Variants in MAPKAP1 observed in about 807,000 individuals in gnomAD.
MAPKAP1 encodes the protein MAPK associated protein 1, also known as target of rapamycin complex 2 subunit MAPKAP1.
In MAPKAP1, 20 loss-of-function variants were observed where a neutral mutation model predicts 65.7. That is an observed-to-expected ratio of 0.30 (90% CI 0.21 to 0.44). The LOEUF is 0.44. Ranked by LOEUF, MAPKAP1 falls within the 20% of genes least tolerant of loss-of-function variation. The pLI, the probability that MAPKAP1 is intolerant of heterozygous loss-of-function variation, is 1.00. For synonymous variants in MAPKAP1, 222 were observed against 244.3 expected, an observed-to-expected ratio of 0.91 and a Z score of 0.85; for missense variants, 423 against 648.0, an observed-to-expected ratio of 0.65 and a Z score of 3.77.
intron 1 of MAPKAP1, among the ~76,000 whole-genome samples, chr9:125,693,562 T>C (rs1466732677): frequency 1.3e-5 from 2 of 148,292 alleles, no homozygotes; most frequent in African/African-American, 5.0e-5. Flanking sequence ...TACACACACA[T>C]ATATACATAC....
chr9:125,521,708 C>T (rs1437954135), intron 7 of MAPKAP1: 2 of 1,609,680 alleles, frequency 1.2e-6, no homozygotes, highest in African/African-American at 2.7e-5. Flanking sequence ...AGTTCAAACC[C>T]ATTTTCCTTA....
chr9:125,659,579 CT>C (rs1381279199), intron 3 of MAPKAP1, among the ~76,000 whole-genome samples: 1 of 152,036 alleles, frequency 6.6e-6, no homozygotes, highest in Non-Finnish European at 1.5e-5. Context: ...TAGGCCAGCC[CT>C]TCCCTTGTGC....
chr9:125,506,482 A>C, intron 7 of MAPKAP1, 65 bp from the exon 8 acceptor site: 1 of 1,281,362 alleles, frequency 7.8e-7, no homozygotes, highest in South Asian at 1.2e-5. Context: ...CATTTAAAAA[A>C]CACCACATAC....
chr9:125,484,549 C>A lies in MAPKAP1; in HGVS notation c.1101G>T (p.Ser367=). 2 of 1,610,886 alleles carry A rather than the reference C, an allele frequency of 1.2e-6. No homozygotes were observed. Among genetic ancestry groups the A allele is most frequent in the Non-Finnish European group, 8.5e-7 (1 of 1,178,530 alleles). Reference sequence around the variant, plus strand: ...CCTGTACTGTGGCTATGTCAATTTGCGAATCCTCCTCAAAAACCCCGTCTG... The same window carrying A: ...CCTGTACTGTGGCTATGTCAATTTGAGAATCCTCCTCAAAAACCCCGTCTG... ...SRADGVFEED[S]QIDIATVQDM... Residue 367 remains serine (S), a synonymous_variant, in exon 9 of 12, where the codon TCG becomes TCT. Transcript: ENST00000265960.
intron 10 of MAPKAP1, among the ~76,000 whole-genome samples, chr9:125,460,585 G>T (rs779631083): frequency 6.6e-6 from 1 of 152,124 alleles, no homozygotes; most frequent in Non-Finnish European, 1.5e-5. Context: ...AACTATCTGG[G>T]GGTCAGAGGA....
chr9:125,671,426 G>C lies in MAPKAP1; in HGVS notation c.259+890C>G, dbSNP rs1477219315. 2.0e-5 allele frequency among the ~76,000 whole-genome samples: 3 copies of C among 152,222 alleles called. No homozygotes were observed. The East Asian group carries it at 5.8e-4, about 29-fold the overall frequency. The stretch of plus-strand genomic sequence containing the variant: ...TTGGACCATGAAAATAAATATGTAA[G>C]TATTTTCAGTGTTCTACTATATCTC... On this transcript the variant is annotated intron_variant, in intron 2 of 11. Transcript: ENST00000265960.
intron 8 of MAPKAP1, among the ~76,000 whole-genome samples, chr9:125,491,246 C>A (rs2133052863): frequency 6.6e-6 from 1 of 151,758 alleles, no homozygotes; most frequent in East Asian, 1.9e-4. Context: ...GAGTTTGAGA[C>A]CACCCTGTGC....
intron 11 of MAPKAP1, among the ~76,000 whole-genome samples, 195 bp downstream of exon 11, chr9:125,444,306 C>T (rs1052699545): frequency 5.3e-5 from 8 of 152,166 alleles, no homozygotes; most frequent in South Asian, 2.1e-4. Flanking sequence ...AGCAGCTGAG[C>T]GGGGGCTGGT....
chr9:125,592,247 G>A (rs1331081817), intron 4 of MAPKAP1, among the ~76,000 whole-genome samples: 1 of 152,164 alleles, frequency 6.6e-6, no homozygotes, highest in East Asian at 1.9e-4. Context: ...CAGGCTAAAG[G>A]GGGCTAGTGA....
At chr9:125,695,092 G>A (rs1327964623) in intron 1 of MAPKAP1, among the ~76,000 whole-genome samples, 1 of 152,080 alleles carries the variant, frequency 6.6e-6, no homozygotes, top group Non-Finnish European at 1.5e-5. Context: ...ATACCAACTT[G>A]GAATTTTTAT....
At chr9:125,625,247 T>TAAAA (rs1564589514) in intron 4 of MAPKAP1, among the ~76,000 whole-genome samples, 4 of 11,194 alleles carry the variant, frequency 3.6e-4, no homozygotes, top group South Asian at 3.7e-3. Context: ...AAAAAAAAAA[T>TAAAA]AAATAAATAA....
intron 8 of MAPKAP1, among the ~76,000 whole-genome samples, chr9:125,504,703 G>A (rs1183667056): frequency 6.6e-6 from 1 of 152,168 alleles, no homozygotes; most frequent in African/African-American, 2.4e-5. Flanking sequence ...TGACACATGA[G>A]AATTGCTTGA....
At chr9:125,483,331 A>G (rs576245785) in intron 9 of MAPKAP1, among the ~76,000 whole-genome samples, 1 of 152,332 alleles carries the variant, frequency 6.6e-6, no homozygotes, top group East Asian at 1.9e-4. Flanking sequence ...TCTCTTAATC[A>G]CTAAGCTGTA....
intron 4 of MAPKAP1, among the ~76,000 whole-genome samples, chr9:125,601,234 C>A (rs1040800540): frequency 3.3e-5 from 5 of 152,024 alleles, no homozygotes; most frequent in African/African-American, 9.6e-5. Flanking sequence ...CTCCAACTAC[C>A]CCGAGGACAA....
rs1170360830 is a variant in MAPKAP1, at chr9:125,672,541, C to G, written c.34G>C (p.Ala12Pro). ...GTCACATGTGACTGTCGAATATGAGCTAGAATGATAGTTGGATTGTCCAAG... is the reference window on the plus strand; with the variant it reads ...GTCACATGTGACTGTCGAATATGAGGTAGAATGATAGTTGGATTGTCCAAG... ...AFLDNPTIIL[A>P]HIRQSHVTSD... The change falls in exon 2 of 12, where the codon GCT becomes CCT. Residue 12 changes from alanine to proline, a missense_variant. Physicochemically the swap from Ala to Pro is conservative, Grantham distance 27. This residue lies in a region of MAPKAP1 where 14 missense variants were observed against 35.3 expected (regional missense o/e 0.40). Transcript: ENST00000265960. The G allele has an allele frequency of 1.9e-6, 3 of 1,614,184 alleles. No homozygotes were observed. Among genetic ancestry groups the G allele is most frequent in the Non-Finnish European group, 2.5e-6 (3 of 1,180,034 alleles).
At chr9:125,599,635 GCT>G (rs1379224478) in intron 4 of MAPKAP1, among the ~76,000 whole-genome samples, 6 of 135,646 alleles carry the variant, frequency 4.4e-5, no homozygotes, top group African/African-American at 1.7e-4. Context: ...ATGGAGTCTT[GCT>G]CTGTTGCCCA....
chr9:125,698,288 AATATATATATATATATATATAT>A lies in MAPKAP1; in HGVS notation c.-70+8661_-70+8682del, dbSNP rs57303829. Among the ~76,000 whole-genome samples the A allele has an allele frequency of 1.6e-3, 78 of 49,044 alleles. 3 individuals carry two copies. Among genetic ancestry groups the A allele is most frequent in the South Asian group, 3.8e-3 (6 of 1,570 alleles). 32.2% of individuals were successfully genotyped at this position (49,044 alleles called of 152,430 possible). A position where few individuals can be genotyped will look rare whatever the true frequency, so the allele number is the denominator to read the frequency against. Reference sequence around the variant, plus strand: ...ATATATATAATACATAATATATATAAATATATATATATATATATATATATATATATATATATATATATATATA... The same window carrying A: ...ATATATATAATACATAATATATATAAATATATATATATATATATATATATA... On this transcript the variant is annotated intron_variant, in intron 1 of 11. Transcript: ENST00000265960.
intron 3 of MAPKAP1, among the ~76,000 whole-genome samples, chr9:125,658,481 AT>A (rs921142503): frequency 6.6e-6 from 1 of 152,200 alleles, no homozygotes; most frequent in Non-Finnish European, 1.5e-5. Context: ...GTTATCTCAG[AT>A]TTGTCAATGT....
chr9:125,563,179 CAAAT>C (rs372730047), intron 5 of MAPKAP1, among the ~76,000 whole-genome samples: 15 of 152,092 alleles, frequency 9.9e-5, no homozygotes, highest in African/African-American at 3.4e-4. Flanking sequence ...ATTCTTTAAA[CAAAT>C]AAAAAACTGG....
Sources: allele counts gnomAD v4.1 joint callset (sites outside exome capture counted in the v4.1 genomes callset), GRCh38; gene constraint gnomAD v4.1.1; regional missense constraint gnomAD v4.1.1; transcripts MANE v1.5; gene names NCBI Gene and HGNC (gene_info 2026-07-23, HGNC 2026-07-21).